PTPRN2: variants seen among roughly 807,000 people sequenced by gnomAD.
PTPRN2 encodes the protein protein tyrosine phosphatase receptor type N2.
Under a neutral mutation model 118.8 loss-of-function variants are expected in PTPRN2, and 74 were observed. The observed-to-expected ratio is 0.62, with a 90% confidence interval of 0.52 to 0.76. The LOEUF is 0.76. Among genes scored for constraint, PTPRN2 ranks in the 30% least tolerant of loss-of-function variants. The probability of loss-of-function intolerance (pLI) is 0.00; values close to 1 mark genes in which losing one functional copy is unlikely to be tolerated. For missense variants in PTPRN2, 1,481 were observed against 1,394.4 expected (o/e 1.06, Z -0.99); for synonymous variants, 641 against 608.0 (o/e 1.05, Z -0.80).
intron 13 of PTPRN2, among the ~76,000 whole-genome samples, chr7:157,664,117 C>T (rs1384568621): frequency 1.3e-5 from 2 of 152,192 alleles, no homozygotes; most frequent in African/African-American, 2.4e-5. Flanking sequence ...CTGGCTACAG[C>T]GGGGGAGGGG....
chr7:158,493,730 C>T (rs1821617467), intron 1 of PTPRN2, among the ~76,000 whole-genome samples: 2 of 81,050 alleles, frequency 2.5e-5, no homozygotes, highest in African/African-American at 5.0e-5. Flanking sequence ...CAGACACGTA[C>T]ACGTATGCAC....
chr7:157,765,549 T>C (rs1186415779), intron 12 of PTPRN2, among the ~76,000 whole-genome samples: 1 of 141,784 alleles, frequency 7.1e-6, no homozygotes, highest in Non-Finnish European at 1.5e-5. Flanking sequence ...CCATCATCCA[T>C]TTTTCCTCCA....
chr7:158,440,154 C>A (rs1816881813), intron 2 of PTPRN2, among the ~76,000 whole-genome samples: 1 of 152,142 alleles, frequency 6.6e-6, no homozygotes, highest in African/African-American at 2.4e-5. Flanking sequence ...TGGCCACAGC[C>A]CATAAAGGTA....
At chr7:157,606,313 C>T (rs998634833) in intron 15 of PTPRN2, among the ~76,000 whole-genome samples, 4 of 152,192 alleles carry the variant, frequency 2.6e-5, no homozygotes, top group African/African-American at 7.2e-5. Context: ...GGGTCTGCAG[C>T]TACGGTTTGG....
chr7:158,403,307 T>A (rs1197948111), intron 2 of PTPRN2, among the ~76,000 whole-genome samples: 1 of 152,198 alleles, frequency 6.6e-6, no homozygotes, highest in Non-Finnish European at 1.5e-5. Context: ...GGCCCTGCCG[T>A]ACTGATGTGA....
intron 2 of PTPRN2, among the ~76,000 whole-genome samples, chr7:158,330,046 G>A (rs565156998): frequency 2.9e-4 from 44 of 150,182 alleles, no homozygotes; most frequent in African/African-American, 9.4e-4. Context: ...ATCTGCAGAC[G>A]TCACTCACAC....
At chr7:157,880,675 T>C (rs78533475) in intron 12 of PTPRN2, among the ~76,000 whole-genome samples, 1,686 of 152,366 alleles carry the variant, frequency 0.011, 30 homozygotes, top group African/African-American at 0.038. Context: ...TTTATTGCTA[T>C]GGCTGGATGG....
rs1650475872 is a variant in PTPRN2 at position 157,763,691 on chromosome 7, C to A, written c.1789-80754G>T. Among the ~76,000 whole-genome samples the A allele has an allele frequency of 1.3e-5, 2 of 152,048 alleles. No individual in the cohort carries two copies. The highest frequency in any genetic ancestry group is 4.8e-5 in the African/African-American group (2 of 41,394). On this transcript the variant is annotated intron_variant, in intron 12 of 22. Transcript: ENST00000389418. The surrounding 1 kb of genome is among the most constrained non-coding windows in gnomAD (Gnocchi z 4.9). ...CTCTTCATTCGGAATTAATTCCTCC[C>A]TTGGATGCTGAGGGCTGGTGGCTGG...
At chr7:158,151,740 T>C (rs1225207650) in intron 6 of PTPRN2, among the ~76,000 whole-genome samples, 9 of 152,170 alleles carry the variant, frequency 5.9e-5, no homozygotes, top group African/African-American at 2.2e-4. Flanking sequence ...CTGCATTCTT[T>C]CCTTCCTTCC....
rs74324881 is a variant in PTPRN2, at chr7:157,878,068, G to A, written c.1788+20605C>T. 8.4e-3 allele frequency among the ~76,000 whole-genome samples: 1,280 copies of A among 152,376 alleles called. 68 individuals carry two copies. The East Asian group carries it at 0.15, about 17-fold the overall frequency. Reference sequence around the variant, plus strand: ...CTCTCTGACTCTGAAGGGCCTGCCCGTGTTCCTTCCTGAGGCTCAGACAAG... The same window carrying A: ...CTCTCTGACTCTGAAGGGCCTGCCCATGTTCCTTCCTGAGGCTCAGACAAG... On this transcript the variant is annotated intron_variant, in intron 12 of 22. Coordinates refer to ENST00000389418, the MANE Select transcript of PTPRN2 (RefSeq NM_002847.5).
At chr7:157,819,293 A>G (rs1806643589) in intron 12 of PTPRN2, among the ~76,000 whole-genome samples, 1 of 152,168 alleles carries the variant, frequency 6.6e-6, no homozygotes, top group South Asian at 2.1e-4. Flanking sequence ...CCTGACAGGG[A>G]CAGGAGTGTG....
intron 12 of PTPRN2, among the ~76,000 whole-genome samples, chr7:157,718,946 C>T (rs1300594380): frequency 6.6e-6 from 1 of 152,188 alleles, no homozygotes; most frequent in Non-Finnish European, 1.5e-5. Context: ...TGCCCCACCC[C>T]TTGCCTCCAT....
chr7:158,556,793 G>A (rs1243316845), intron 1 of PTPRN2, among the ~76,000 whole-genome samples: 1 of 141,132 alleles, frequency 7.1e-6, no homozygotes, highest in Non-Finnish European at 1.5e-5. Context: ...TCCCACGCAG[G>A]TCAGGCGGCT....
chr7:158,242,496 CT>C, intron 3 of PTPRN2, among the ~76,000 whole-genome samples: 1 of 152,216 alleles, frequency 6.6e-6, no homozygotes, highest in Non-Finnish European at 1.5e-5. Flanking sequence ...CTGTAGTCTT[CT>C]TTCCCTGGAG....
intron 17 of PTPRN2, among the ~76,000 whole-genome samples, chr7:157,582,070 G>A (rs545873026): frequency 2.0e-5 from 3 of 152,194 alleles, no homozygotes; most frequent in African/African-American, 7.2e-5. Context: ...CCAGAACTGC[G>A]AGGGGATGCC....
At chr7:157,997,119 C>T (rs896166002) in intron 11 of PTPRN2, among the ~76,000 whole-genome samples, 27 of 152,302 alleles carry the variant, frequency 1.8e-4, no homozygotes, top group African/African-American at 5.3e-4. Flanking sequence ...CCCAGGAGGA[C>T]GGGGTTGGGG....
chr7:157,798,504 C>G (rs1298900545), intron 12 of PTPRN2, among the ~76,000 whole-genome samples: 1 of 152,042 alleles, frequency 6.6e-6, no homozygotes, highest in East Asian at 1.9e-4. Context: ...CACACACAGA[C>G]ACACACGGAC....
chr7:157,902,037 C>T (rs1231465489), intron 11 of PTPRN2, among the ~76,000 whole-genome samples: 1 of 152,234 alleles, frequency 6.6e-6, no homozygotes, highest in South Asian at 2.1e-4. Context: ...CACACTTCCC[C>T]CAGCTGAAGT....
rs1350771002 is a variant in PTPRN2, at chr7:157,618,694, G to C, written c.2344+2668C>G. The C allele has an allele frequency of 1.3e-5, 2 of 152,252 alleles. No homozygotes were observed. Among genetic ancestry groups the C allele is most frequent in the African/African-American group, 4.8e-5 (2 of 41,472 alleles). The allele number at this position is 152,252 out of a possible 1,614,324, so 9.4% of individuals were successfully genotyped here. On this transcript the variant is annotated intron_variant, in intron 15 of 22. Transcript: ENST00000389418. The surrounding 1 kb of genome is among the most constrained non-coding windows in gnomAD (Gnocchi z 4.2). ...GGAGGACAAGATCTCCTTCCCAAAAGCAAGATGGCCAAGAGTATGGAGAAG... is the reference window on the plus strand; with the variant it reads ...GGAGGACAAGATCTCCTTCCCAAAACCAAGATGGCCAAGAGTATGGAGAAG...
Sources: allele counts gnomAD v4.1 joint callset (sites outside exome capture counted in the v4.1 genomes callset), GRCh38; gene constraint gnomAD v4.1.1; non-coding constraint Gnocchi (gnomAD v3.1); transcripts MANE v1.5; gene names NCBI Gene and HGNC (gene_info 2026-07-23, HGNC 2026-07-21).